The following NSD1 variants were observed in gnomAD, a reference collection of about 807,000 sequenced individuals.
NSD1 encodes histone-lysine N-methyltransferase, H3 lysine-36 specific.
Under a neutral mutation model 242.7 loss-of-function variants are expected in NSD1, and 26 were observed. The observed-to-expected ratio is 0.11, with a 90% CI of 0.08 to 0.15. The LOEUF (loss-of-function observed/expected upper bound fraction) is 0.15, where lower values mean the gene tolerates loss of function less well. Among genes scored for constraint, NSD1 ranks in the 10% least tolerant of loss-of-function variants. NSD1 has a pLI of 1.00. For synonymous variants in NSD1, 1,106 were observed against 1,178.1 expected (o/e 0.94, Z 1.25); for missense variants, 2,495 against 3,272.8 (o/e 0.76, Z 5.80).
At chr5:177,251,310 A>T (rs1451092328) in intron 11 of NSD1, among the ~76,000 whole-genome samples, 3 of 152,094 alleles carry the variant, frequency 2.0e-5, no homozygotes, top group Non-Finnish European at 2.9e-5. Flanking sequence ...CAGAAAAGTG[A>T]TCTCTCTCTG....
chr5:177,238,929 T>C lies in NSD1; in HGVS notation c.4192+422T>C, dbSNP rs1370594468. On this transcript the variant is annotated intron_variant, in intron 7 of 22. Transcript: ENST00000439151. The surrounding 1 kb of genome is among the most constrained non-coding windows in gnomAD (Gnocchi z 4.6). ...TCTATAAATGGAGATCATAATGTAT[T>C]AATGTGTAATGTTATATACCTGACA... Among the ~76,000 whole-genome samples, 1 of 152,220 alleles carries C rather than the reference T, an allele frequency of 6.6e-6. No individual in the cohort carries two copies. Among genetic ancestry groups the C allele is most frequent in the Non-Finnish European group, 1.5e-5 (1 of 68,048 alleles).
At chr5:177,158,998 T>TTATATATATATATATGAATTATA (rs1554173192) in intron 2 of NSD1, among the ~76,000 whole-genome samples, 16 of 122,612 alleles carry the variant, frequency 1.3e-4, no homozygotes, top group African/African-American at 6.1e-4. Flanking sequence ...ATGAATGATT[T>TTATATATATATATATGAATTATA]TATATATATA....
intron 2 of NSD1, among the ~76,000 whole-genome samples, chr5:177,166,081 TG>T (rs1203831787): frequency 1.3e-5 from 2 of 151,892 alleles, no homozygotes; most frequent in African/African-American, 2.4e-5. Flanking sequence ...AGCTAATTTT[TG>T]TATTTTTTTT....
At chr5:177,188,634 T>C (rs1173720239) in intron 2 of NSD1, among the ~76,000 whole-genome samples, 1 of 152,192 alleles carries the variant, frequency 6.6e-6, no homozygotes, top group Non-Finnish European at 1.5e-5. Flanking sequence ...CTCTGTTATC[T>C]TTAAGATATG....
chr5:177,264,163 G>A (rs1205252164), intron 14 of NSD1, among the ~76,000 whole-genome samples: 1 of 150,850 alleles, frequency 6.6e-6, no homozygotes, highest in East Asian at 2.0e-4. Context: ...AGCCTCCTGA[G>A]TAGCTGGGAC....
chr5:177,295,139 G>A lies in NSD1; in HGVS notation c.7771G>A (p.Ala2591Thr). 1.2e-6 allele frequency: 2 copies of A among 1,614,006 alleles called. No individual in the cohort carries two copies. Among genetic ancestry groups the A allele is most frequent in the Non-Finnish European group, 1.7e-6 (2 of 1,179,890 alleles). The change falls in exon 23 of 23, where the codon GCA becomes ACA. Residue 2591 changes from alanine to threonine, a missense_variant. By Grantham distance (58) the Ala-to-Thr change is moderately conservative. Around this residue, in one of 19 missense-constraint regions of NSD1, gnomAD observed 475 missense variants for 563.7 expected, o/e 0.84. Transcript: ENST00000439151. The surrounding 1 kb of genome is among the most constrained non-coding windows in gnomAD (Gnocchi z 4.3). ...GATGGTCGGAGGCCAGCAACTACCT[G>A]CACTTGCCGCCAAGAGTGGGCAATC... ...KQMVGGQQLP[A>T]LAAKSGQSFR...
chr5:177,275,121 T>C (rs971226721), intron 17 of NSD1, among the ~76,000 whole-genome samples: 2 of 151,278 alleles, frequency 1.3e-5, no homozygotes, highest in African/African-American at 4.9e-5. Flanking sequence ...TAAGTTTGTC[T>C]CAAATATTGG....
chr5:177,289,859 G>T (rs957441068), intron 21 of NSD1, among the ~76,000 whole-genome samples: 5 of 148,414 alleles, frequency 3.4e-5, no homozygotes, highest in African/African-American at 5.0e-5. Flanking sequence ...GTGGAGTCTC[G>T]CTCTGTTGCC....
At chr5:177,248,021 C>T (rs1766433394) in intron 10 of NSD1, 160 bp from the exon 11 acceptor site, 1 of 985,334 alleles carries the variant, frequency 1.0e-6, no homozygotes. Flanking sequence ...CCCGCCCAAT[C>T]ACAGCAGGGT....
In NSD1 at chr5:177,288,891, C is replaced by T. The variant is rs1439604535; in HGVS notation, c.6224C>T (p.Pro2075Leu). Reference protein sequence around the residue: ...NGKTVCKCGAPNCSGFLGVRP... With the variant: ...NGKTVCKCGALNCSGFLGVRP... Reference sequence around the variant, plus strand: ...AAGACTGTTTGCAAATGTGGAGCCCCGAACTGCAGTGGCTTCTTGGGTGTA... The same window carrying T: ...AAGACTGTTTGCAAATGTGGAGCCCTGAACTGCAGTGGCTTCTTGGGTGTA... Residue 2075 changes from proline (P) to leucine (L), a missense_variant, in exon 21 of 23, where the codon CCG becomes CTG. Pro to Leu is a moderately conservative substitution (Grantham distance 98, BLOSUM62 -3). Around this residue, in one of 19 missense-constraint regions of NSD1, gnomAD observed 26 missense variants for 119.1 expected, o/e 0.22. Transcript: ENST00000439151. The T allele has an allele frequency of 1.2e-6, 2 of 1,614,020 alleles. No individual in the cohort carries two copies. Among genetic ancestry groups the T allele is most frequent in the Non-Finnish European group, 8.5e-7 (1 of 1,180,022 alleles).
At chr5:177,264,212 T>C (rs989653986) in intron 14 of NSD1, among the ~76,000 whole-genome samples, 1 of 151,936 alleles carries the variant, frequency 6.6e-6, no homozygotes, top group Admixed American at 6.6e-5. Context: ...ATTTTTTGTA[T>C]TTTTAGTAGA....
At chr5:177,166,135 G>A (rs1442632976) in intron 2 of NSD1, among the ~76,000 whole-genome samples, 195 of 151,160 alleles carry the variant, frequency 1.3e-3, no homozygotes, top group Non-Finnish European at 5.9e-5. Flanking sequence ...GGATGGTCTC[G>A]AACTCCTGAC....
At chr5:177,284,063 T>G in intron 20 of NSD1, 135 bp downstream of exon 20, 1 of 1,137,124 alleles carries the variant, frequency 8.8e-7, no homozygotes. Flanking sequence ...ATTTACATTT[T>G]TGTGCAACCA....
At chr5:177,132,806 G>GGGGGGAGGGGGAAGGGAAGGGGTGGT (rs1217951363), upstream of NSD1, among the ~76,000 whole-genome samples, 1 of 152,086 alleles carries the variant, frequency 6.6e-6, no homozygotes, top group Non-Finnish European at 1.5e-5. The surrounding 1 kb of genome is among the most constrained non-coding windows in gnomAD (Gnocchi z 7.5). Context: ...GGAGAGGGAT[G>GGGGGGAGGGGGAAGGGAAGGGGTGGT]GGGGGAGGGG....
intron 2 of NSD1, among the ~76,000 whole-genome samples, chr5:177,185,396 G>A (rs932410566): frequency 2.6e-5 from 4 of 151,642 alleles, no homozygotes; most frequent in Non-Finnish European, 4.4e-5. Context: ...TCAGGAGTTC[G>A]AGACCAGCCT....
chr5:177,260,197 A>G (rs763334067), intron 14 of NSD1, 29 bp downstream of exon 14: 1 of 1,600,626 alleles, frequency 6.2e-7, no homozygotes, highest in South Asian at 1.1e-5. Flanking sequence ...CTCTATTTGT[A>G]GTCTAAAAAG....
intron 2 of NSD1, among the ~76,000 whole-genome samples, chr5:177,175,248 G>C (rs185724748): frequency 6.6e-6 from 1 of 152,266 alleles, no homozygotes; most frequent in East Asian, 1.9e-4. Context: ...TTGGACAAAT[G>C]TTGTCACAAA....
intron 20 of NSD1, 118 bp downstream of exon 20, chr5:177,284,046 T>A: frequency 7.9e-7 from 1 of 1,260,026 alleles, no homozygotes; most frequent in Non-Finnish European, 1.1e-6. Context: ...TCTCTGGAAT[T>A]AAGTTCATTT....
chr5:177,230,775 C>T (rs543990072), intron 5 of NSD1, among the ~76,000 whole-genome samples: 2 of 150,348 alleles, frequency 1.3e-5, no homozygotes, highest in South Asian at 4.2e-4. Context: ...TGCTGTGAGC[C>T]GAGATCACAC....
Sources: allele counts gnomAD v4.1 joint callset (sites outside exome capture counted in the v4.1 genomes callset), GRCh38; gene constraint gnomAD v4.1.1; regional missense constraint gnomAD v4.1.1; non-coding constraint Gnocchi (gnomAD v3.1); transcripts MANE v1.5; gene names NCBI Gene and HGNC (gene_info 2026-07-23, HGNC 2026-07-21).